Variants in SORCS1 observed in about 807,000 individuals in gnomAD.
SORCS1 encodes VPS10 domain-containing receptor SorCS1.
In SORCS1, 60 loss-of-function variants were observed where a neutral mutation model predicts 146.1. The ratio of observed to expected loss-of-function variants is 0.41; its 90% CI spans 0.33 to 0.51. The LOEUF is 0.51. SORCS1 is among the 20% of genes least tolerant of loss of function. SORCS1 has a pLI of 0.21. For synonymous variants in SORCS1, 637 were observed against 584.0 expected (o/e 1.09, Z -1.31); for missense variants, 1,352 against 1,487.6 (o/e 0.91, Z 1.50).
chr10:107,113,744 C>G (rs1723724090), intron 1 of SORCS1, among the ~76,000 whole-genome samples: 1 of 149,948 alleles, frequency 6.7e-6, no homozygotes, highest in Admixed American at 6.6e-5. Flanking sequence ...ATTGTTACAC[C>G]TCAAGGAACT....
In SORCS1 at chr10:106,652,569, C is replaced by T. The variant is rs750860056; in HGVS notation, c.2304-16G>A. On this transcript the variant is annotated splice_polypyrimidine_tract_variant and intron_variant, in intron 17 of 25. Transcript: ENST00000263054. Reference sequence around the variant, plus strand: ...CTTCCTGTACCTAAATGGAAAAAAGCTCAAGTCGTAAACCAGCTCATTATA... The same window carrying T: ...CTTCCTGTACCTAAATGGAAAAAAGTTCAAGTCGTAAACCAGCTCATTATA... 1 of 1,609,380 alleles carries T rather than the reference C, an allele frequency of 6.2e-7. No individual in the cohort carries two copies. The highest frequency in any genetic ancestry group is 1.1e-5 in the South Asian group (1 of 90,924).
intron 2 of SORCS1, among the ~76,000 whole-genome samples, chr10:106,890,506 A>G (rs1330258791): frequency 1.3e-5 from 2 of 152,218 alleles, no homozygotes; most frequent in African/African-American, 4.8e-5. Context: ...TGTGATCGCT[A>G]GCGATGAGTA....
chr10:106,579,171 TC>T, intron 25 of SORCS1, 197 bp downstream of exon 25: 1 of 1,614,124 alleles, frequency 6.2e-7, no homozygotes, highest in Non-Finnish European at 8.5e-7. Flanking sequence ...GGGCCTGCTT[TC>T]AGAGTGACTG....
chr10:107,152,926 T>G (rs1278420486), intron 1 of SORCS1, among the ~76,000 whole-genome samples: 1 of 152,196 alleles, frequency 6.6e-6, no homozygotes, highest in Non-Finnish European at 1.5e-5. Flanking sequence ...TATGACTTTC[T>G]TTGCCTGTGG....
intron 5 of SORCS1, among the ~76,000 whole-genome samples, chr10:106,744,045 A>T (rs1857545434): frequency 6.6e-6 from 1 of 152,128 alleles, no homozygotes; most frequent in South Asian, 2.1e-4. Context: ...TCTATAGTTG[A>T]CTTAACTAGT....
intron 3 of SORCS1, among the ~76,000 whole-genome samples, chr10:106,822,642 A>G (rs1329766378): frequency 6.6e-6 from 1 of 152,164 alleles, no homozygotes; most frequent in African/African-American, 2.4e-5. Context: ...GTACCCAAAA[A>G]AAGATCAAAG....
intron 2 of SORCS1, among the ~76,000 whole-genome samples, chr10:106,898,290 C>A (rs1273556284): frequency 1.3e-5 from 2 of 152,194 alleles, no homozygotes; most frequent in African/African-American, 4.8e-5. Flanking sequence ...GTCCTAAAAA[C>A]ATCTATTAAA....
intron 1 of SORCS1, among the ~76,000 whole-genome samples, chr10:106,979,994 GTGAA>G (rs1956186571): frequency 6.6e-6 from 1 of 152,166 alleles, no homozygotes; most frequent in Non-Finnish European, 1.5e-5. Flanking sequence ...CATCATTATG[GTGAA>G]TGAAAGCTTT....
In SORCS1 at chr10:106,659,599, T is replaced by C. The variant is rs184363073; in HGVS notation, c.2304-7046A>G. On this transcript the variant is annotated intron_variant, in intron 17 of 25. Coordinates refer to ENST00000263054, the MANE Select transcript of SORCS1 (RefSeq NM_052918.5). ...GGGTCTCTAAGATCATCCAACACTA[T>C]CCTTTTGCTTTTCACATAAGGAAAA... 2.4e-3 allele frequency among the ~76,000 whole-genome samples: 369 copies of C among 152,268 alleles called. 3 individuals carry two copies. The highest frequency in any genetic ancestry group is 8.5e-3 in the African/African-American group (354 of 41,550).
At chr10:106,692,369 GT>G (rs770739341) in intron 9 of SORCS1, among the ~76,000 whole-genome samples, 5 of 151,866 alleles carry the variant, frequency 3.3e-5, no homozygotes, top group Admixed American at 6.6e-5. Context: ...GCCAGCCCCT[GT>G]TTTTTTTCCT....
intron 1 of SORCS1, among the ~76,000 whole-genome samples, chr10:107,114,818 T>C (rs2134483004): frequency 6.6e-6 from 1 of 152,252 alleles, no homozygotes; most frequent in East Asian, 1.9e-4. Flanking sequence ...TTAAATTGTA[T>C]GTTTGCAGGT....
rs1335278625 is a variant in SORCS1 at position 106,989,670 on chromosome 10, G to GTT, written c.559-33092_559-33091dup. 4.0e-4 allele frequency among the ~76,000 whole-genome samples: 46 copies of GTT among 116,428 alleles called. 5 individuals carry two copies. The highest frequency in any genetic ancestry group is 1.9e-3 in the African/African-American group (42 of 22,204). 76.4% of individuals were successfully genotyped at this position (116,428 alleles called of 152,430 possible). A position where few individuals can be genotyped will look rare whatever the true frequency, so the allele number is the denominator to read the frequency against. ...CTCTTTATATACTCATATTTTTTCT[G>GTT]TTTTTTTTTGTTTTTTTTTTTTTTT... On this transcript the variant is annotated intron_variant, in intron 1 of 25. Transcript: ENST00000263054.
chr10:106,708,711 G>C (rs1854719186), intron 7 of SORCS1, among the ~76,000 whole-genome samples: 1 of 152,122 alleles, frequency 6.6e-6, no homozygotes, highest in Non-Finnish European at 1.5e-5. Flanking sequence ...GACAATAAAA[G>C]CTGATTACTC....
At chr10:106,752,077 G>A (rs1858294528) in intron 5 of SORCS1, among the ~76,000 whole-genome samples, 1 of 152,146 alleles carries the variant, frequency 6.6e-6, no homozygotes, top group Admixed American at 6.5e-5. Context: ...TTGGGCAGGT[G>A]AAATTGTTTC....
chr10:106,838,313 A>G (rs1365819014), intron 2 of SORCS1, among the ~76,000 whole-genome samples: 5 of 152,130 alleles, frequency 3.3e-5, no homozygotes, highest in Non-Finnish European at 7.3e-5. Context: ...CCACAGCAAA[A>G]CAGAGTGGAA....
intron 2 of SORCS1, among the ~76,000 whole-genome samples, chr10:106,920,354 G>C (rs1238870661): frequency 6.6e-6 from 1 of 152,086 alleles, no homozygotes; most frequent in Non-Finnish European, 1.5e-5. Context: ...ACTCTGGCAG[G>C]CCCCCGGGCT....
chr10:106,945,246 A>C (rs1954274566), intron 2 of SORCS1, among the ~76,000 whole-genome samples: 1 of 152,068 alleles, frequency 6.6e-6, no homozygotes, highest in Non-Finnish European at 1.5e-5. Flanking sequence ...TGGTATTTGG[A>C]TTATGACCTG....
Position 107,092,794 on chromosome 10 carries a change from C to A in SORCS1, c.558+71175G>T, listed in dbSNP as rs543672890. Reference sequence around the variant, plus strand: ...GAGAAACAGAAGGCTTTATATTTTACTTCTAAGTACCTATGCCAGACAAAT... The same window carrying A: ...GAGAAACAGAAGGCTTTATATTTTAATTCTAAGTACCTATGCCAGACAAAT... On this transcript the variant is annotated intron_variant, in intron 1 of 25. Coordinates refer to ENST00000263054, the MANE Select transcript of SORCS1 (RefSeq NM_052918.5). Among the ~76,000 whole-genome samples, 3 of 148,092 alleles carry A rather than the reference C, an allele frequency of 2.0e-5. No individual in the cohort carries two copies. The East Asian group carries it at 6.0e-4, about 30-fold the overall frequency.
At chr10:106,699,642 G>A (rs963815237) in intron 8 of SORCS1, among the ~76,000 whole-genome samples, 18 of 152,306 alleles carry the variant, frequency 1.2e-4, no homozygotes, top group African/African-American at 3.9e-4. Context: ...AGTTTTAATT[G>A]CCTCATTACA....
Sources: allele counts gnomAD v4.1 joint callset (sites outside exome capture counted in the v4.1 genomes callset), GRCh38; gene constraint gnomAD v4.1.1; transcripts MANE v1.5; gene names NCBI Gene and HGNC (gene_info 2026-07-23, HGNC 2026-07-21).